Variants in CFAP299 observed in about 807,000 individuals in gnomAD.
CFAP299 encodes cilia and flagella associated protein 299.
CFAP299 carries 21 observed loss-of-function variants against 27.0 expected under a neutral mutation model. That is an observed-to-expected ratio of 0.78 (90% confidence interval 0.55 to 1.12). The LOEUF (loss-of-function observed/expected upper bound fraction) is 1.12. Ranked by LOEUF, CFAP299 falls within the 50% of genes most tolerant of loss-of-function variation. CFAP299 has a pLI of 0.00. For missense variants in CFAP299, 310 were observed against 276.6 expected, an observed-to-expected ratio of 1.12 and a Z score of -0.86; for synonymous variants, 104 against 98.1, an observed-to-expected ratio of 1.06 and a Z score of -0.36.
chr4:80,853,711 G>A lies in CFAP299; in HGVS notation c.334-16282G>A, dbSNP rs187140988. Among the ~76,000 whole-genome samples the A allele has an allele frequency of 3.3e-3, 506 of 152,298 alleles. 1 individual carries two copies. Among genetic ancestry groups the A allele is most frequent in the Middle Eastern group, 0.014 (4 of 294 alleles). On this transcript the variant is annotated intron_variant, in intron 3 of 5. Transcript: ENST00000358105. ...TATATGTTGAAGGTAGAGGCAACAA[G>A]ACTTGTGAATGGATTGAAATGAATG...
At chr4:80,330,112 AG>A in the CFAP299 span, among the ~76,000 whole-genome samples, 1 of 152,144 alleles carries the variant, frequency 6.6e-6, no homozygotes, top group African/African-American at 2.4e-5. Context: ...CTTTTGCTTC[AG>A]GGTAAAAAGT....
intron 4 of CFAP299, among the ~76,000 whole-genome samples, chr4:80,941,918 G>A (rs1051799864): frequency 6.6e-6 from 1 of 152,170 alleles, no homozygotes; most frequent in African/African-American, 2.4e-5. Flanking sequence ...AAGGAAATGT[G>A]CCTCCATGAT....
intron 2 of CFAP299, among the ~76,000 whole-genome samples, chr4:80,568,212 G>A (rs946435740): frequency 6.6e-6 from 1 of 151,392 alleles, no homozygotes; most frequent in Non-Finnish European, 1.5e-5. Flanking sequence ...ATATGTGTAT[G>A]CTTCTAATTG....
At chr4:80,832,400 C>G (rs1379664911) in intron 3 of CFAP299, among the ~76,000 whole-genome samples, 1 of 151,966 alleles carries the variant, frequency 6.6e-6, no homozygotes, top group Non-Finnish European at 1.5e-5. Context: ...GTAAATTTGA[C>G]TAAAATGACC....
rs1722398317 is a variant in CFAP299 at position 80,340,670 on chromosome 4, C to A, written c.111+4791C>A. Among the ~76,000 whole-genome samples, 3 of 152,212 alleles carry A rather than the reference C, an allele frequency of 2.0e-5. No individual in the cohort carries two copies. In the East Asian group the frequency reaches 5.8e-4, roughly 29 times the overall value. The stretch of plus-strand genomic sequence containing the variant: ...TGCAGATTGGGCAACTCAGTTCTAG[C>A]CTTCTGGCTCTGGGGAGTCTAGGTG... On this transcript the variant is annotated intron_variant, in intron 1 of 5. Coordinates refer to ENST00000358105, the MANE Select transcript of CFAP299 (RefSeq NM_152770.3).
At chr4:80,886,806 A>G (rs1443622577) in intron 4 of CFAP299, among the ~76,000 whole-genome samples, 1 of 152,172 alleles carries the variant, frequency 6.6e-6, no homozygotes, top group African/African-American at 2.4e-5. Context: ...GGCTGTTAGG[A>G]GAAAACTCGA....
intron 2 of CFAP299, among the ~76,000 whole-genome samples, chr4:80,491,109 A>G (rs1312099077): frequency 6.6e-6 from 1 of 152,108 alleles, no homozygotes; most frequent in African/African-American, 2.4e-5. Flanking sequence ...GATATCATTC[A>G]GCTTGAATCA....
At chr4:80,350,176 G>A (rs769624494) in intron 1 of CFAP299, among the ~76,000 whole-genome samples, 1 of 152,044 alleles carries the variant, frequency 6.6e-6, no homozygotes, top group Non-Finnish European at 1.5e-5. Flanking sequence ...CAAAGGGAAG[G>A]AAGGAATAAA....
chr4:80,682,669 T>C (rs1321401090), intron 3 of CFAP299, among the ~76,000 whole-genome samples: 1 of 152,176 alleles, frequency 6.6e-6, no homozygotes, highest in Admixed American at 6.5e-5. Context: ...CAAAGTCACA[T>C]TTTTACTGCT....
intron 3 of CFAP299, among the ~76,000 whole-genome samples, chr4:80,799,764 T>C (rs1388635565): frequency 7.4e-4 from 36 of 48,518 alleles, no homozygotes; most frequent in African/African-American, 2.9e-3. Context: ...AATATATAAA[T>C]ATATTATATG....
chr4:80,589,521 T>A (rs1736615039), intron 3 of CFAP299, among the ~76,000 whole-genome samples: 1 of 152,188 alleles, frequency 6.6e-6, no homozygotes, highest in Non-Finnish European at 1.5e-5. Context: ...TAATTAGCAA[T>A]GTTTAAAAAC....
In CFAP299 at chr4:80,663,796, C is replaced by T. The variant is rs114760710; in HGVS notation, c.333+80613C>T. Among the ~76,000 whole-genome samples the T allele has an allele frequency of 8.5e-3, 1,288 of 152,164 alleles. 10 individuals are homozygous for T. Among genetic ancestry groups the T allele is most frequent in the Non-Finnish European group, 0.01 (711 of 67,986 alleles). On this transcript the variant is annotated intron_variant, in intron 3 of 5. Coordinates refer to ENST00000358105, the MANE Select transcript of CFAP299 (RefSeq NM_152770.3). ...ATTTCTCCACATTCTCTCCAGCATC[C>T]GTTGTTTACTGACGTTTTAATGATT...
At chr4:80,711,527 G>T (rs181701789) in intron 3 of CFAP299, among the ~76,000 whole-genome samples, 3 of 152,226 alleles carry the variant, frequency 2.0e-5, no homozygotes, top group East Asian at 1.9e-4. Context: ...GTGACAACTG[G>T]TGTAGTCATA....
intron 4 of CFAP299, among the ~76,000 whole-genome samples, chr4:80,929,546 C>G (rs975776591): frequency 3.3e-5 from 5 of 152,156 alleles, no homozygotes; most frequent in Admixed American, 1.3e-4. Context: ...ATAATGAATT[C>G]TATAATTGCT....
chr4:80,374,245 A>T (rs563996843), intron 2 of CFAP299, among the ~76,000 whole-genome samples: 1 of 152,286 alleles, frequency 6.6e-6, no homozygotes, highest in African/African-American at 2.4e-5. Context: ...TAGTCCAATG[A>T]GTCCCTCTAG....
chr4:80,828,024 C>A (rs753670179), intron 3 of CFAP299, among the ~76,000 whole-genome samples: 3 of 151,968 alleles, frequency 2.0e-5, no homozygotes, highest in Non-Finnish European at 2.9e-5. Flanking sequence ...AACTACAAAG[C>A]ATTTCTGAAA....
chr4:80,692,384 A>T (rs1400601688), intron 3 of CFAP299, among the ~76,000 whole-genome samples: 1 of 152,198 alleles, frequency 6.6e-6, no homozygotes, highest in Non-Finnish European at 1.5e-5. Context: ...CCTCAGAAAT[A>T]ACGCCACATA....
chr4:80,873,014 T>C, intron 4 of CFAP299: 1 of 982,386 alleles, frequency 1.0e-6, no homozygotes, highest in South Asian at 4.7e-5. Flanking sequence ...AGTTTGTGCT[T>C]TTGTATTTTG....
At chr4:80,679,310 T>G (rs1719679023) in intron 3 of CFAP299, among the ~76,000 whole-genome samples, 1 of 152,186 alleles carries the variant, frequency 6.6e-6, no homozygotes, top group African/African-American at 2.4e-5. Context: ...TGCCCTTCAG[T>G]CAATGAAGGA....
Sources: gnomAD v4.1 joint callset for allele counts (sites outside exome capture counted in the v4.1 genomes callset) on GRCh38, gnomAD v4.1.1 for gene constraint, MANE v1.5 for transcripts, NCBI Gene and HGNC (gene_info 2026-07-23, HGNC 2026-07-21) for gene names.